ARID3B: variants seen among roughly 807,000 people sequenced by gnomAD.
The protein encoded by ARID3B is AT-rich interaction domain 3B, also known as AT-rich interactive domain-containing protein 3B.
A neutral mutation model predicts 51.9 loss-of-function variants in ARID3B; 10 were observed. The observed-to-expected ratio is 0.19, with a 90% confidence interval of 0.12 to 0.33. The LOEUF (loss-of-function observed/expected upper bound fraction) is 0.33, where lower values mean the gene tolerates loss of function less well. ARID3B is among the 10% of genes least tolerant of loss of function. The probability of loss-of-function intolerance (pLI) is 1.00; values close to 1 mark genes in which losing one functional copy is unlikely to be tolerated. For missense variants in ARID3B, 483 were observed against 716.3 expected (o/e 0.67, Z 3.72); for synonymous variants, 205 against 279.5 (o/e 0.73, Z 2.66).
At chr15:74,580,117 G>A (rs541607366) in intron 4 of ARID3B, among the ~76,000 whole-genome samples, 2 of 152,236 alleles carry the variant, frequency 1.3e-5, no homozygotes, top group South Asian at 2.1e-4. Context: ...CCTGAACCTG[G>A]GAGGCAGAGG....
At chr15:74,578,577 G>A (rs558722453) in intron 4 of ARID3B, among the ~76,000 whole-genome samples, 4 of 152,206 alleles carry the variant, frequency 2.6e-5, no homozygotes, top group African/African-American at 9.6e-5. Flanking sequence ...CTTGCTAGTT[G>A]GGACCAAGGA....
chr15:74,561,503 A>G (rs1174409173), intron 2 of ARID3B, among the ~76,000 whole-genome samples: 1 of 152,236 alleles, frequency 6.6e-6, no homozygotes, highest in African/African-American at 2.4e-5. Context: ...CATAGACCAG[A>G]ATTACAAGAT....
chr15:74,563,643 G>A (rs1460427851), intron 2 of ARID3B, among the ~76,000 whole-genome samples: 1 of 152,102 alleles, frequency 6.6e-6, no homozygotes, highest in African/African-American at 2.4e-5. Context: ...CTGTGGTGTG[G>A]ATGGATGTCA....
At chr15:74,557,367 G>A (rs2141453153) in intron 2 of ARID3B, among the ~76,000 whole-genome samples, 1 of 151,922 alleles carries the variant, frequency 6.6e-6, no homozygotes, top group South Asian at 2.1e-4. Context: ...AGTGAGCTAT[G>A]ATGGTGCCAT....
chr15:74,578,291 A>C (rs1295102284), intron 4 of ARID3B, among the ~76,000 whole-genome samples: 1 of 151,438 alleles, frequency 6.6e-6, no homozygotes, highest in Non-Finnish European at 1.5e-5. Flanking sequence ...CTCCTGCCTC[A>C]GCCTCCCAAG....
At chr15:74,558,953 A>G (rs1350255927) in intron 2 of ARID3B, among the ~76,000 whole-genome samples, 1 of 152,174 alleles carries the variant, frequency 6.6e-6, no homozygotes, top group Non-Finnish European at 1.5e-5. Context: ...AGAGCCCCTC[A>G]ATATGAGTCC....
chr15:74,564,813 C>T (rs2061691891), intron 2 of ARID3B, among the ~76,000 whole-genome samples: 1 of 151,914 alleles, frequency 6.6e-6, no homozygotes, highest in Admixed American at 6.6e-5. Flanking sequence ...TGTTGCCAGG[C>T]TGGTCTCAAA....
intron 4 of ARID3B, among the ~76,000 whole-genome samples, chr15:74,582,558 A>G (rs563505941): frequency 6.6e-6 from 1 of 152,308 alleles, no homozygotes; most frequent in Non-Finnish European, 1.5e-5. Context: ...TGGAGTAGCA[A>G]AAAAGGTAAT....
intron 2 of ARID3B, among the ~76,000 whole-genome samples, chr15:74,546,659 T>G (rs2061616968): frequency 1.3e-5 from 2 of 152,234 alleles, no homozygotes; most frequent in African/African-American, 4.8e-5. Flanking sequence ...CTCTTTGCGT[T>G]CACTTTATGT....
intron 4 of ARID3B, among the ~76,000 whole-genome samples, chr15:74,575,759 A>G (rs16970170): frequency 0.042 from 6,386 of 151,994 alleles, 218 homozygotes; most frequent in African/African-American, 0.091. Flanking sequence ...CAGGTATTTC[A>G]CTGTTTGCTG....
rs994699817 is a variant in ARID3B, at chr15:74,597,439, G to A, written c.*1665G>A. ...TGAGCACAAACAGATACCTCAGCCC[G>A]GTAAGCTGCAGCTCTGCTCAACTGC... On this transcript the variant is annotated 3_prime_UTR_variant, in exon 9 of 9. Coordinates refer to ENST00000346246, the MANE Select transcript of ARID3B (RefSeq NM_006465.4). 34 of 484,668 alleles carry A rather than the reference G, an allele frequency of 7.0e-5. No individual in the cohort carries two copies. The highest frequency in any genetic ancestry group is 6.2e-4 in the Admixed American group (20 of 32,352). The allele number at this position is 484,668 out of a possible 1,614,324, so 30.0% of individuals were successfully genotyped here. A position where few individuals can be genotyped will look rare whatever the true frequency, so the allele number is the denominator to read the frequency against.
At chr15:74,569,423 C>G (rs981654170) in intron 2 of ARID3B, among the ~76,000 whole-genome samples, 1 of 151,978 alleles carries the variant, frequency 6.6e-6, no homozygotes, top group Admixed American at 6.6e-5. Flanking sequence ...CCCATCTCTA[C>G]CAAAAATACA....
chr15:74,561,583 C>T (rs2061679617), intron 2 of ARID3B, among the ~76,000 whole-genome samples: 1 of 152,182 alleles, frequency 6.6e-6, no homozygotes, highest in Admixed American at 6.5e-5. Context: ...CAATTGATTC[C>T]CAACTCCACC....
chr15:74,595,277 A>G (rs552904489), intron 8 of ARID3B, among the ~76,000 whole-genome samples: 2 of 152,222 alleles, frequency 1.3e-5, no homozygotes, highest in Admixed American at 6.5e-5. Flanking sequence ...GCCTTGAGCT[A>G]TTCTCCTGCC....
chr15:74,589,769 C>T (rs767986461), intron 4 of ARID3B, 51 bp from the exon 5 acceptor site: 5 of 1,539,128 alleles, frequency 3.2e-6, no homozygotes, highest in Non-Finnish European at 4.4e-6. Flanking sequence ...AATCTTTCTT[C>T]TCAGCCTGAT....
intron 2 of ARID3B, among the ~76,000 whole-genome samples, chr15:74,571,745 G>A (rs1409120697): frequency 1.3e-5 from 2 of 152,214 alleles, no homozygotes; most frequent in Non-Finnish European, 2.9e-5. Flanking sequence ...AGTGAACAGA[G>A]ATTGCTTTTA....
Position 74,543,946 on chromosome 15 carries a change from C to G in ARID3B, c.10C>G (p.Leu4Val), listed in dbSNP as rs765768391. 29 of 1,611,424 alleles carry G rather than the reference C, an allele frequency of 1.8e-5. No homozygotes were observed. The highest frequency in any genetic ancestry group is 8.4e-5 in the Admixed American group (5 of 59,760). MEP[L>V]QQQQQQQQQQ... ...GAAGCTTGAGGCAAAAATGGAGCCACTTCAGCAGCAGCAGCAGCAGCAGCA... is the reference window on the plus strand; with the variant it reads ...GAAGCTTGAGGCAAAAATGGAGCCAGTTCAGCAGCAGCAGCAGCAGCAGCA... The change falls in exon 2 of 9, where the codon CTT becomes GTT. Residue 4 changes from leucine (L) to valine (V), a missense_variant. Around this residue, in one of 3 missense-constraint regions of ARID3B, gnomAD observed 182 missense variants for 244.5 expected, o/e 0.74. Transcript: ENST00000346246.
chr15:74,556,343 T>C (rs1042322279), intron 2 of ARID3B, among the ~76,000 whole-genome samples: 1 of 152,204 alleles, frequency 6.6e-6, no homozygotes, highest in Non-Finnish European at 1.5e-5. Flanking sequence ...TGAAGTTTGA[T>C]ATCTTATATG....
chr15:74,548,449 C>T (rs2061623843), intron 2 of ARID3B, among the ~76,000 whole-genome samples: 1 of 152,210 alleles, frequency 6.6e-6, no homozygotes, highest in Admixed American at 6.5e-5. Context: ...GATCCAACCA[C>T]GGGCTTAACA....
Sources: allele counts gnomAD v4.1 joint callset (sites outside exome capture counted in the v4.1 genomes callset), GRCh38; gene constraint gnomAD v4.1.1; regional missense constraint gnomAD v4.1.1; transcripts MANE v1.5; gene names NCBI Gene and HGNC (gene_info 2026-07-23, HGNC 2026-07-21).